TOX: variants seen among roughly 807,000 people sequenced by gnomAD.
TOX encodes the protein thymocyte selection associated high mobility group box, also known as thymocyte selection-associated high mobility group box protein TOX.
In TOX, 11 loss-of-function variants were observed where a neutral mutation model predicts 53.7. The ratio of observed to expected loss-of-function variants is 0.20; its 90% CI spans 0.13 to 0.34. The LOEUF is 0.34. TOX is among the 10% of genes least tolerant of loss of function. The pLI is 1.00. For missense variants in TOX, 570 were observed against 664.6 expected (o/e 0.86, Z 1.56); for synonymous variants, 225 against 245.3 (o/e 0.92, Z 0.77).
chr8:58,899,127 C>T (rs892096464), intron 3 of TOX, among the ~76,000 whole-genome samples: 3 of 152,262 alleles, frequency 2.0e-5, no homozygotes, highest in South Asian at 4.1e-4. Flanking sequence ...AAATCTAACA[C>T]GATCATGTAC....
intron 1 of TOX, among the ~76,000 whole-genome samples, chr8:59,051,069 G>C (rs1803779301): frequency 6.6e-6 from 1 of 152,122 alleles, no homozygotes; most frequent in African/African-American, 2.4e-5. Flanking sequence ...GTTGATTTTA[G>C]ATGACTTCCA....
intron 3 of TOX, among the ~76,000 whole-genome samples, chr8:58,921,816 G>T (rs1423325477): frequency 6.6e-6 from 1 of 152,118 alleles, no homozygotes; most frequent in Non-Finnish European, 1.5e-5. Context: ...GAAAGAGGTC[G>T]TTTTTAGTTA....
chr8:59,047,200 ATTGTTTTTTTTTTTTTT>A (rs1340466629), intron 1 of TOX, among the ~76,000 whole-genome samples: 13 of 115,288 alleles, frequency 1.1e-4, no homozygotes, highest in South Asian at 2.8e-4. Flanking sequence ...TCCACCAAGA[ATTGTTTTTTTTTTTTTT>A]TTTTTTTTTT....
chr8:58,931,004 A>G (rs746963558), intron 3 of TOX, among the ~76,000 whole-genome samples: 24 of 152,190 alleles, frequency 1.6e-4, no homozygotes, highest in Non-Finnish European at 3.4e-4. Context: ...AATAATTGAT[A>G]CCCAGGCAGG....
chr8:58,888,800 A>G (rs976940943), intron 3 of TOX, among the ~76,000 whole-genome samples: 2 of 152,030 alleles, frequency 1.3e-5, no homozygotes, highest in Non-Finnish European at 2.9e-5. Flanking sequence ...ATCCAAATCA[A>G]TGAATTAAGG....
intron 1 of TOX, among the ~76,000 whole-genome samples, chr8:58,996,384 T>G (rs983074280): frequency 2.0e-5 from 3 of 152,184 alleles, no homozygotes; most frequent in African/African-American, 4.8e-5. Context: ...ATCAAACCCC[T>G]ATCTCAGAAT....
At chr8:59,062,808 CAG>C (rs1191513530) in intron 1 of TOX, among the ~76,000 whole-genome samples, 1 of 151,654 alleles carries the variant, frequency 6.6e-6, no homozygotes, top group Non-Finnish European at 1.5e-5. Context: ...CTGTGTGTGA[CAG>C]AGAGAAAGAG....
intron 6 of TOX, among the ~76,000 whole-genome samples, chr8:58,820,574 C>T (rs1002367266): frequency 2.0e-5 from 3 of 152,150 alleles, no homozygotes; most frequent in Non-Finnish European, 2.9e-5. Context: ...CCTCAGACAA[C>T]TCTTTGTCTT....
At chr8:59,004,569 C>T (rs1009440702) in intron 1 of TOX, among the ~76,000 whole-genome samples, 7 of 152,100 alleles carry the variant, frequency 4.6e-5, no homozygotes, top group South Asian at 2.1e-4. Context: ...AGGTTTTATT[C>T]GATTTAAATT....
intron 1 of TOX, among the ~76,000 whole-genome samples, chr8:59,006,624 ATATC>A (rs966292226): frequency 6.6e-6 from 1 of 152,208 alleles, no homozygotes; most frequent in Non-Finnish European, 1.5e-5. Context: ...GACCTAATAT[ATATC>A]TAATCCTCTA....
intron 1 of TOX, among the ~76,000 whole-genome samples, chr8:58,976,343 C>A (rs896280326): frequency 6.6e-6 from 1 of 152,208 alleles, no homozygotes; most frequent in African/African-American, 2.4e-5. Flanking sequence ...ATGAAGACTC[C>A]TCATCCATTA....
At chr8:59,105,123 A>T (rs951811256) in intron 1 of TOX, among the ~76,000 whole-genome samples, 1 of 152,166 alleles carries the variant, frequency 6.6e-6, no homozygotes, top group African/African-American at 2.4e-5. Flanking sequence ...AATTTTTTTT[A>T]AGAAGTTGAC....
intron 1 of TOX, among the ~76,000 whole-genome samples, chr8:59,030,839 C>G (rs1814342148): frequency 6.6e-6 from 1 of 152,176 alleles, no homozygotes; most frequent in Non-Finnish European, 1.5e-5. Flanking sequence ...CAATGGGAAT[C>G]AGAATTTCCT....
chr8:58,954,547 T>C (rs567470562), intron 2 of TOX, among the ~76,000 whole-genome samples: 1 of 152,246 alleles, frequency 6.6e-6, no homozygotes, highest in African/African-American at 2.4e-5. Flanking sequence ...CAGTGTGCCA[T>C]GTGCCACCCA....
intron 3 of TOX, among the ~76,000 whole-genome samples, chr8:58,864,544 A>G (rs890567592): frequency 2.6e-5 from 4 of 152,208 alleles, no homozygotes; most frequent in Admixed American, 6.5e-5. Context: ...GGGTACAGCA[A>G]CAGTAGCCAT....
chr8:58,954,310 G>A (rs1812675619), intron 2 of TOX, among the ~76,000 whole-genome samples: 1 of 152,048 alleles, frequency 6.6e-6, no homozygotes, highest in Non-Finnish European at 1.5e-5. Flanking sequence ...TGCAATGCAG[G>A]GTCAAGAATT....
chr8:58,822,215 C>T (rs1810293171), intron 6 of TOX, among the ~76,000 whole-genome samples: 1 of 152,180 alleles, frequency 6.6e-6, no homozygotes, highest in Non-Finnish European at 1.5e-5. Context: ...GAAAATTAAG[C>T]ATGAATAATC....
chr8:58,999,307 AT>A (rs1214175883), intron 1 of TOX, among the ~76,000 whole-genome samples: 4 of 151,700 alleles, frequency 2.6e-5, no homozygotes, highest in Non-Finnish European at 4.4e-5. Flanking sequence ...GATCTTTAGA[AT>A]TTCAGTAAAC....
intron 2 of TOX, among the ~76,000 whole-genome samples, chr8:58,950,615 C>A (rs1206875110): frequency 6.6e-6 from 1 of 152,176 alleles, no homozygotes; most frequent in African/African-American, 2.4e-5. Flanking sequence ...AAAATGAAGA[C>A]AATTTCCCCC....
Sources: gnomAD v4.1 joint callset for allele counts (sites outside exome capture counted in the v4.1 genomes callset) on GRCh38, gnomAD v4.1.1 for gene constraint, MANE v1.5 for transcripts, NCBI Gene and HGNC (gene_info 2026-07-23, HGNC 2026-07-21) for gene names.